The following GPC6 variants were observed in gnomAD, a reference collection of about 807,000 sequenced individuals.
The protein encoded by GPC6 is glypican-6.
GPC6 carries 14 observed loss-of-function variants against 55.2 expected under a neutral mutation model. The ratio of observed to expected loss-of-function variants is 0.25; its 90% CI spans 0.17 to 0.40. The LOEUF (loss-of-function observed/expected upper bound fraction) is 0.40, where lower values mean the gene tolerates loss of function less well. GPC6 is among the 10% of genes least tolerant of loss of function. The pLI is 1.00. For missense variants in GPC6, 641 were observed against 708.5 expected (o/e 0.90, Z 1.08); for synonymous variants, 278 against 259.6 (o/e 1.07, Z -0.68).
intron 1 of GPC6, among the ~76,000 whole-genome samples, chr13:93,283,399 G>A (rs1029600900): frequency 6.6e-6 from 1 of 152,306 alleles, no homozygotes; most frequent in East Asian, 1.9e-4. Flanking sequence ...TAAGAGATGA[G>A]TTCATCTGGG....
intron 4 of GPC6, among the ~76,000 whole-genome samples, chr13:94,160,960 C>T (rs886316142): frequency 3.3e-5 from 5 of 152,074 alleles, no homozygotes; most frequent in Admixed American, 3.3e-4. Context: ...TGTGATAAAT[C>T]GTATTTCATT....
chr13:93,950,260 G>A (rs1319614961), intron 3 of GPC6, among the ~76,000 whole-genome samples: 3 of 152,160 alleles, frequency 2.0e-5, no homozygotes, highest in Admixed American at 6.5e-5. Context: ...ACAACAAACA[G>A]GAAATAATGA....
rs1476046381 is a variant in GPC6, at chr13:93,916,712, CTGTGT to C, written c.711+86171_711+86175del. ...AAATGCACTTTAAGTTAATACGAAA[CTGTGT>C]TGTTCTATTGACCTAGCACTCTGAA... is the stretch of plus-strand genomic sequence containing the variant. On this transcript the variant is annotated intron_variant, in intron 3 of 8. Coordinates refer to ENST00000377047, the MANE Select transcript of GPC6 (RefSeq NM_005708.5). 4.6e-5 allele frequency among the ~76,000 whole-genome samples: 7 copies of C among 151,170 alleles called. 1 individual carries two copies. In the South Asian group the frequency reaches 1.5e-3, roughly 32 times the overall value.
intron 2 of GPC6, among the ~76,000 whole-genome samples, chr13:93,640,114 GT>G (rs1339109278): frequency 6.6e-6 from 1 of 151,848 alleles, no homozygotes; most frequent in Non-Finnish European, 1.5e-5. Flanking sequence ...ACTTCTTTAT[GT>G]TTTCTTTGTA....
In GPC6 at chr13:93,708,485, A is replaced by G. The variant is rs1320194902; in HGVS notation, c.320-121669A>G. ...TTGTGTTTAGAGATATCTTTCAGCA[A>G]TGACTTTGGACTTTTTATCAGTCTT... On this transcript the variant is annotated intron_variant, in intron 2 of 8. Coordinates refer to ENST00000377047, the MANE Select transcript of GPC6 (RefSeq NM_005708.5). Among the ~76,000 whole-genome samples the G allele has an allele frequency of 3.3e-5, 5 of 151,896 alleles. No homozygotes were observed. The East Asian group carries it at 9.8e-4, about 30-fold the overall frequency.
At chr13:93,879,162 C>T (rs760688998) in intron 3 of GPC6, among the ~76,000 whole-genome samples, 14 of 152,012 alleles carry the variant, frequency 9.2e-5, no homozygotes, top group African/African-American at 2.7e-4. Context: ...ACGTAGTTCT[C>T]GAGCCTTGGT....
intron 2 of GPC6, among the ~76,000 whole-genome samples, chr13:93,621,229 C>T (rs1282467110): frequency 1.3e-5 from 2 of 152,110 alleles, no homozygotes; most frequent in African/African-American, 2.4e-5. Context: ...AAGAAGTTGC[C>T]TACCTGTTTC....
At chr13:94,063,886 C>G (rs554001367) in intron 4 of GPC6, among the ~76,000 whole-genome samples, 1 of 152,188 alleles carries the variant, frequency 6.6e-6, no homozygotes, top group South Asian at 2.1e-4. Context: ...AAAAAGATGC[C>G]GCCACCAGTT....
intron 3 of GPC6, among the ~76,000 whole-genome samples, chr13:93,956,584 C>T (rs375359553): frequency 6.7e-4 from 102 of 152,320 alleles, no homozygotes; most frequent in Admixed American, 1.5e-3. Context: ...TTTCCACTTT[C>T]GCCCCAATCC....
the GPC6 span, among the ~76,000 whole-genome samples, chr13:93,217,499 G>A: frequency 5.3e-5 from 8 of 152,130 alleles, no homozygotes; most frequent in Non-Finnish European, 1.2e-4. Flanking sequence ...GTATTCAAAT[G>A]TTCTTTTCTT....
At chr13:93,668,617 C>T (rs549640746) in intron 2 of GPC6, among the ~76,000 whole-genome samples, 1 of 152,238 alleles carries the variant, frequency 6.6e-6, no homozygotes, top group Non-Finnish European at 1.5e-5. Context: ...AAGGAGACCG[C>T]CATGTGAATA....
chr13:93,402,955 T>A (rs1268498132), intron 1 of GPC6, among the ~76,000 whole-genome samples: 7 of 152,232 alleles, frequency 4.6e-5, no homozygotes, highest in East Asian at 1.9e-4. Flanking sequence ...ATAATTTTTT[T>A]AAAAAAATTA....
At chr13:94,274,899 T>C (rs772773092) in intron 4 of GPC6, among the ~76,000 whole-genome samples, 4 of 152,160 alleles carry the variant, frequency 2.6e-5, no homozygotes, top group Non-Finnish European at 4.4e-5. Context: ...AAACTCTTCA[T>C]CTACATTATA....
At chr13:93,918,057 A>G (rs1053292820) in intron 3 of GPC6, among the ~76,000 whole-genome samples, 2 of 151,726 alleles carry the variant, frequency 1.3e-5, no homozygotes, top group Non-Finnish European at 2.9e-5. Flanking sequence ...AGATCATGCC[A>G]CTGGACTTCA....
At chr13:93,299,498 T>C (rs766253097) in intron 1 of GPC6, among the ~76,000 whole-genome samples, 9 of 152,222 alleles carry the variant, frequency 5.9e-5, no homozygotes, top group Admixed American at 1.3e-4. Flanking sequence ...TTGATTTACC[T>C]AAAATAATGG....
intron 1 of GPC6, among the ~76,000 whole-genome samples, chr13:93,488,679 G>A (rs1278899088): frequency 1.3e-5 from 2 of 152,214 alleles, no homozygotes; most frequent in South Asian, 4.2e-4. Context: ...GTGTGAGATG[G>A]TATCTCAGTG....
chr13:94,200,045 A>G (rs985479249), intron 4 of GPC6, among the ~76,000 whole-genome samples: 4 of 151,592 alleles, frequency 2.6e-5, no homozygotes, highest in Non-Finnish European at 5.9e-5. Flanking sequence ...AATCCCAGTT[A>G]CTTGAGAGGC....
At chr13:93,755,435 T>C (rs990495082) in intron 2 of GPC6, among the ~76,000 whole-genome samples, 2 of 152,136 alleles carry the variant, frequency 1.3e-5, no homozygotes, top group Non-Finnish European at 2.9e-5. Flanking sequence ...TAAATACAGA[T>C]TATGTGGCAG....
chr13:93,450,709 A>T, intron 1 of GPC6: 1 of 972,800 alleles, frequency 1.0e-6, no homozygotes, highest in Non-Finnish European at 1.2e-6. Context: ...AACACTTCCC[A>T]CTTTTTAGTG....
Sources: allele counts gnomAD v4.1 joint callset (sites outside exome capture counted in the v4.1 genomes callset), GRCh38; gene constraint gnomAD v4.1.1; transcripts MANE v1.5; gene names NCBI Gene and HGNC (gene_info 2026-07-23, HGNC 2026-07-21).